Variants in GRM5 observed in about 807,000 individuals in gnomAD.
GRM5 encodes the protein glutamate metabotropic receptor 5, also known as metabotropic glutamate receptor 5.
In GRM5, 19 loss-of-function variants were observed where a neutral mutation model predicts 83.1. That is an observed-to-expected ratio of 0.23 (90% CI 0.16 to 0.34). The LOEUF (loss-of-function observed/expected upper bound fraction) is 0.34. GRM5 is among the 10% of genes least tolerant of loss of function. GRM5 has a pLI of 1.00. For missense variants in GRM5, 1,160 were observed against 1,588.3 expected (o/e 0.73, Z 4.58); for synonymous variants, 675 against 633.6 (o/e 1.07, Z -0.98).
At chr11:88,958,263 T>C (rs902062616) in intron 2 of GRM5, among the ~76,000 whole-genome samples, 1 of 150,416 alleles carries the variant, frequency 6.6e-6, no homozygotes, top group African/African-American at 2.4e-5. Flanking sequence ...ATATATAATG[T>C]ATATGAATTT....
chr11:88,904,285 T>C (rs914796845), intron 2 of GRM5, among the ~76,000 whole-genome samples: 82 of 152,190 alleles, frequency 5.4e-4, no homozygotes, highest in African/African-American at 1.9e-3. Context: ...CCTACAGCTC[T>C]TTTGACTATT....
At chr11:88,844,015 T>C (rs549183276) in intron 3 of GRM5, among the ~76,000 whole-genome samples, 1 of 152,294 alleles carries the variant, frequency 6.6e-6, no homozygotes, top group South Asian at 2.1e-4. Flanking sequence ...AAGCAGCAGG[T>C]GCAGACTGAT....
intron 3 of GRM5, among the ~76,000 whole-genome samples, chr11:88,813,120 A>G (rs1943614137): frequency 6.6e-6 from 1 of 152,134 alleles, no homozygotes; most frequent in South Asian, 2.1e-4. Context: ...TTGCTTTAGT[A>G]TTCTAATGTC....
At chr11:89,005,260 T>C (rs1290146353) in intron 2 of GRM5, among the ~76,000 whole-genome samples, 28 of 152,240 alleles carry the variant, frequency 1.8e-4, no homozygotes, top group Non-Finnish European at 7.3e-5. Context: ...AGACTCCTTA[T>C]TTAAGCAGAA....
chr11:88,550,488 C>T lies in GRM5; in HGVS notation c.2630+16565G>A, dbSNP rs565704778. Among the ~76,000 whole-genome samples, 21 of 152,304 alleles carry T rather than the reference C, an allele frequency of 1.4e-4. No homozygotes were observed. The East Asian group carries it at 3.5e-3, about 25-fold the overall frequency. On this transcript the variant is annotated intron_variant, in intron 8 of 9. Transcript: ENST00000305447. ...CGTGTACCAATTTAGTTCAAGTCAG[C>T]CCTGCTTGCATTATGCAGACATTTC...
At chr11:88,758,145 G>A (rs775479304) in intron 3 of GRM5, among the ~76,000 whole-genome samples, 12 of 152,154 alleles carry the variant, frequency 7.9e-5, no homozygotes, top group Non-Finnish European at 1.5e-4. Flanking sequence ...GAAAGAACAA[G>A]CACAAGAACT....
chr11:88,902,982 A>C (rs1451238790), intron 2 of GRM5, among the ~76,000 whole-genome samples: 2 of 146,496 alleles, frequency 1.4e-5, no homozygotes, highest in South Asian at 2.1e-4. Flanking sequence ...AAAAAAAAGC[A>C]AAGAAAAGGA....
At position 88,505,204 on chromosome 11, in the gene GRM5, A is replaced by T. The variant is rs774084986; in HGVS notation, c.*3388T>A. 4.6e-5 allele frequency: 7 copies of T among 152,212 alleles called. No homozygotes were observed. Among genetic ancestry groups the T allele is most frequent in the Non-Finnish European group, 5.9e-5 (4 of 68,034 alleles). The allele number at this position is 152,212 out of a possible 1,614,324, so 9.4% of individuals were successfully genotyped here. A position where few individuals can be genotyped will look rare whatever the true frequency, so the allele number is the denominator to read the frequency against. ...TCACAGTATAAAATTGTAAATGGTA[A>T]CTATAGAGATTCTGACAGCTTGAGG... is the stretch of plus-strand genomic sequence containing the variant. On this transcript the variant is annotated 3_prime_UTR_variant, in exon 10 of 10. Transcript: ENST00000305447.
intron 4 of GRM5, among the ~76,000 whole-genome samples, chr11:88,628,817 T>A: frequency 6.6e-6 from 1 of 152,232 alleles, no homozygotes; most frequent in East Asian, 1.9e-4. Flanking sequence ...GATTGTGAAG[T>A]GCTCCTGAGT....
At chr11:89,039,338 G>A (rs1941473187) in intron 2 of GRM5, among the ~76,000 whole-genome samples, 1 of 151,582 alleles carries the variant, frequency 6.6e-6, no homozygotes, top group African/African-American at 2.4e-5. Context: ...GATCCCAATG[G>A]CAACTGATTG....
intron 3 of GRM5, among the ~76,000 whole-genome samples, chr11:88,787,939 G>C (rs892578081): frequency 6.6e-6 from 1 of 152,138 alleles, no homozygotes; most frequent in African/African-American, 2.4e-5. Flanking sequence ...CAATACATAG[G>C]CTAGATCTAT....
At chr11:88,970,633 G>T (rs1322974824) in intron 2 of GRM5, among the ~76,000 whole-genome samples, 4 of 152,152 alleles carry the variant, frequency 2.6e-5, no homozygotes, top group Non-Finnish European at 5.9e-5. Context: ...TGCCCAGTGG[G>T]GACAGAGAAC....
At chr11:88,915,517 T>C (rs1056936419) in intron 2 of GRM5, among the ~76,000 whole-genome samples, 2 of 152,116 alleles carry the variant, frequency 1.3e-5, no homozygotes, top group African/African-American at 4.8e-5. Context: ...ATTACAGCTG[T>C]TGTAGCTATC....
rs147150249 is a variant in GRM5 at position 88,566,715 on chromosome 11, C to G, written c.2630+338G>C. ...TCTGTTCTGGTGAACTAGAATTTAACCCACAGTATAACTCTGTCCCCTCAG... is the reference window on the plus strand; with the variant it reads ...TCTGTTCTGGTGAACTAGAATTTAAGCCACAGTATAACTCTGTCCCCTCAG... On this transcript the variant is annotated intron_variant, in intron 8 of 9. Transcript: ENST00000305447. Among the ~76,000 whole-genome samples, 202 of 152,222 alleles carry G rather than the reference C, an allele frequency of 1.3e-3. 2 individuals are homozygous for G. In the East Asian group the frequency reaches 0.035, roughly 27 times the overall value.
At chr11:89,023,108 T>G (rs2135111688) in intron 2 of GRM5, among the ~76,000 whole-genome samples, 1 of 152,020 alleles carries the variant, frequency 6.6e-6, no homozygotes, top group East Asian at 1.9e-4. Flanking sequence ...CCTCCTGTAC[T>G]ATTATGGGGC....
At chr11:88,688,348 G>A (rs1263503300) in intron 3 of GRM5, among the ~76,000 whole-genome samples, 1 of 152,038 alleles carries the variant, frequency 6.6e-6, no homozygotes, top group East Asian at 1.9e-4. Flanking sequence ...TCCCACTATT[G>A]GGGTATCAGA....
intron 3 of GRM5, among the ~76,000 whole-genome samples, chr11:88,720,810 G>C (rs917950115): frequency 7.7e-6 from 1 of 130,210 alleles, no homozygotes; most frequent in African/African-American, 3.2e-5. Context: ...GTGTGTGTGT[G>C]TGTGTGTGTG....
intron 3 of GRM5, among the ~76,000 whole-genome samples, chr11:88,813,813 G>A (rs1213615163): frequency 6.6e-6 from 1 of 151,996 alleles, no homozygotes; most frequent in Non-Finnish European, 1.5e-5. Context: ...GGCTTGGGTA[G>A]GAATATACAA....
rs1385847728 is a variant in GRM5 at position 88,606,397 on chromosome 11, C to T, written c.1148-1433G>A. On this transcript the variant is annotated intron_variant, in intron 4 of 9. Coordinates refer to ENST00000305447, the MANE Select transcript of GRM5 (RefSeq NM_001143831.3). ...ATTAGCTGGGTGTGGTGGCAGGTGC[C>T]TCTAATCCCAGCTACTCAGGAGGCT... 2.0e-5 allele frequency among the ~76,000 whole-genome samples: 3 copies of T among 152,304 alleles called. No individual in the cohort carries two copies. In the East Asian group the frequency reaches 5.8e-4, roughly 29 times the overall value.
Sources: gnomAD v4.1 joint callset for allele counts (sites outside exome capture counted in the v4.1 genomes callset) on GRCh38, gnomAD v4.1.1 for gene constraint, MANE v1.5 for transcripts, NCBI Gene and HGNC (gene_info 2026-07-23, HGNC 2026-07-21) for gene names.